The following SLC25A20 variants were observed in gnomAD, a reference collection of about 807,000 sequenced individuals.
SLC25A20 encodes mitochondrial carnitine/acylcarnitine carrier protein.
SLC25A20 carries 29 observed loss-of-function variants against 39.7 expected under a neutral mutation model. The observed-to-expected ratio is 0.73, with a 90% CI of 0.54 to 1.00. SLC25A20 has a LOEUF of 1.00. Among genes scored for constraint, SLC25A20 ranks in the 50% least tolerant of loss-of-function variants. The pLI, the probability that SLC25A20 is intolerant of heterozygous loss-of-function variation, is 0.00. For synonymous variants in SLC25A20, 103 were observed against 142.2 expected (o/e 0.72, Z 1.96); for missense variants, 333 against 379.9 (o/e 0.88, Z 1.03).
At chr3:48,875,958 G>A (rs565944737) in intron 4 of SLC25A20, among the ~76,000 whole-genome samples, 12 of 152,324 alleles carry the variant, frequency 7.9e-5, no homozygotes, top group East Asian at 1.9e-4. Context: ...AGAGATTGCA[G>A]TGTGCTGAAT....
chr3:48,858,503 T>C lies in SLC25A20; in HGVS notation c.843+4A>G, dbSNP rs2083597693. 3 of 1,614,076 alleles carry C rather than the reference T, an allele frequency of 1.9e-6. No individual in the cohort carries two copies. The highest frequency in any genetic ancestry group is 2.5e-6 in the Non-Finnish European group (3 of 1,180,042). On this transcript the variant is annotated splice_donor_region_variant and intron_variant, in intron 8 of 8. Transcript: ENST00000319017. ...GGGAAAGCACAGCCCTGCCAGCTAC[T>C]CACCGCATTGGCTGGGAAGGCTCGG...
At chr3:48,863,074 C>T (rs1193538942) in intron 4 of SLC25A20, among the ~76,000 whole-genome samples, 2 of 152,038 alleles carry the variant, frequency 1.3e-5, no homozygotes, top group African/African-American at 2.4e-5. Flanking sequence ...CGCCTGTAGT[C>T]AGCTGCTCAG....
chr3:48,883,790 T>A (rs1047956517), intron 3 of SLC25A20, among the ~76,000 whole-genome samples: 2 of 151,654 alleles, frequency 1.3e-5, no homozygotes, highest in Non-Finnish European at 2.9e-5. Flanking sequence ...CCCAGCTAAT[T>A]TTTTTGTATT....
intron 4 of SLC25A20, among the ~76,000 whole-genome samples, chr3:48,872,487 CAATA>C (rs1404172696): frequency 6.6e-6 from 1 of 150,406 alleles, no homozygotes; most frequent in Non-Finnish European, 1.5e-5. Context: ...ACAGTCTTTT[CAATA>C]AATGATATAA....
At chr3:48,893,081 C>T (rs1014909526) in intron 1 of SLC25A20, among the ~76,000 whole-genome samples, 9 of 151,380 alleles carry the variant, frequency 5.9e-5, no homozygotes, top group South Asian at 4.2e-4. Flanking sequence ...GGCTGGAGTG[C>T]GGCGGTGTGG....
At chr3:48,859,269 T>C in intron 6 of SLC25A20, 68 bp from the exon 7 acceptor site, 3 of 1,432,952 alleles carry the variant, frequency 2.1e-6, no homozygotes, top group Non-Finnish European at 2.0e-6. Flanking sequence ...CTATCCTGCC[T>C]GTGGCAGACA....
chr3:48,889,186 T>C (rs1487263008), intron 2 of SLC25A20, among the ~76,000 whole-genome samples: 1 of 151,732 alleles, frequency 6.6e-6, no homozygotes, highest in Non-Finnish European at 1.5e-5. Flanking sequence ...TTATTATTAA[T>C]ATTATTCTTA....
chr3:48,860,857 G>A lies in SLC25A20; in HGVS notation c.536-1230C>T, dbSNP rs1464308947. ...TACTTTTTTTTTTTTTTTTTGAGAC[G>A]GAGTCTCGCTCTCTCGCCCAGGCTG... On this transcript the variant is annotated intron_variant, in intron 5 of 8. Coordinates refer to ENST00000319017, the MANE Select transcript of SLC25A20 (RefSeq NM_000387.6). 1.3e-4 allele frequency among the ~76,000 whole-genome samples: 19 copies of A among 143,528 alleles called. No individual in the cohort carries two copies. The East Asian group carries it at 2.9e-3, about 22-fold the overall frequency. The allele number at this position is 143,528 out of a possible 152,430, so 94.2% of individuals were successfully genotyped here.
chr3:48,878,573 G>A (rs1187218556), intron 4 of SLC25A20, among the ~76,000 whole-genome samples: 1 of 151,882 alleles, frequency 6.6e-6, no homozygotes, highest in South Asian at 2.1e-4. Flanking sequence ...GCCGAGGCAG[G>A]TGGATCACTG....
chr3:48,868,862 G>A (rs1290625349), intron 4 of SLC25A20, among the ~76,000 whole-genome samples: 1 of 152,156 alleles, frequency 6.6e-6, no homozygotes, highest in Non-Finnish European at 1.5e-5. Flanking sequence ...TAAGAAATTA[G>A]GGGAAGGGCT....
intron 4 of SLC25A20, among the ~76,000 whole-genome samples, chr3:48,868,800 G>A (rs1004205977): frequency 6.6e-6 from 1 of 152,190 alleles, no homozygotes; most frequent in East Asian, 1.9e-4. Flanking sequence ...CCTTTATGGA[G>A]TTGTAATGAA....
In SLC25A20 at chr3:48,892,081, A is replaced by C. The variant is rs769356324; in HGVS notation, c.106-9T>G. ...TGTGTCTGCAGTCGGACCTGAAAAC[A>C]GAAGTTAAAATGCAGTCACCTACCA... is the stretch of plus-strand genomic sequence containing the variant. On this transcript the variant is annotated splice_polypyrimidine_tract_variant and intron_variant, in intron 1 of 8. Coordinates refer to ENST00000319017, the MANE Select transcript of SLC25A20 (RefSeq NM_000387.6). 6.2e-7 allele frequency: 1 copy of C among 1,612,260 alleles called. No individual in the cohort carries two copies. The highest frequency in any genetic ancestry group is 1.1e-5 in the South Asian group (1 of 91,054).
chr3:48,872,071 C>T (rs1304547943), intron 4 of SLC25A20, among the ~76,000 whole-genome samples: 1 of 148,404 alleles, frequency 6.7e-6, no homozygotes, highest in Admixed American at 6.9e-5. Context: ...TCAAGCAATC[C>T]ACCACCCTTG....
intron 8 of SLC25A20, among the ~76,000 whole-genome samples, chr3:48,858,048 A>C (rs1354590712): frequency 6.6e-6 from 1 of 151,314 alleles, no homozygotes; most frequent in Non-Finnish European, 1.5e-5. Flanking sequence ...GCTCACTGCA[A>C]TCTCTGCCTC....
intron 4 of SLC25A20, among the ~76,000 whole-genome samples, chr3:48,863,344 G>T (rs1004588996): frequency 6.6e-6 from 1 of 152,140 alleles, no homozygotes; most frequent in Non-Finnish European, 1.5e-5. Context: ...AGCCTACCTG[G>T]TCATGAGAGT....
At position 48,859,268 on chromosome 3, in the gene SLC25A20, C is replaced by T. The variant is rs79815571; in HGVS notation, c.609-67G>A. On this transcript the variant is annotated intron_variant, in intron 6 of 8. Transcript: ENST00000319017. ...GAGAGTGGCATTCAGACTATCCTGC[C>T]TGTGGCAGACAGGGCAGTTACAGAC... The T allele has an allele frequency of 1.6e-3, 2,294 of 1,435,540 alleles. 4 individuals carry two copies. Among genetic ancestry groups the T allele is most frequent in the Non-Finnish European group, 2.0e-3 (2,096 of 1,023,798 alleles). 88.9% of individuals were successfully genotyped at this position (1,435,540 alleles called of 1,614,324 possible). A position where few individuals can be genotyped will look rare whatever the true frequency, so the allele number is the denominator to read the frequency against.
At chr3:48,898,446 A>G (rs1384579979) in intron 1 of SLC25A20, among the ~76,000 whole-genome samples, 1 of 152,224 alleles carries the variant, frequency 6.6e-6, no homozygotes, top group African/African-American at 2.4e-5. Context: ...AGACTGCGGG[A>G]CAGGGAACTT....
chr3:48,898,478 C>G (rs2083925796), intron 1 of SLC25A20, among the ~76,000 whole-genome samples: 1 of 152,234 alleles, frequency 6.6e-6, no homozygotes, highest in Non-Finnish European at 1.5e-5. Context: ...TCTTGACAGG[C>G]AGTTAGAGGC....
intron 4 of SLC25A20, among the ~76,000 whole-genome samples, chr3:48,871,762 C>T (rs900415937): frequency 4.1e-5 from 6 of 146,822 alleles, no homozygotes; most frequent in African/African-American, 1.5e-4. Flanking sequence ...GAGCGAAACT[C>T]CATCTCAAAA....
Sources: allele counts gnomAD v4.1 joint callset (sites outside exome capture counted in the v4.1 genomes callset), GRCh38; gene constraint gnomAD v4.1.1; transcripts MANE v1.5; gene names NCBI Gene and HGNC (gene_info 2026-07-23, HGNC 2026-07-21).